TOX: variants seen among roughly 807,000 people sequenced by gnomAD.
TOX encodes the protein thymocyte selection-associated high mobility group box protein TOX.
Under a neutral mutation model 53.7 loss-of-function variants are expected in TOX, and 11 were observed. The ratio of observed to expected loss-of-function variants is 0.20; its 90% CI spans 0.13 to 0.34. The LOEUF is 0.34. Among genes scored for constraint, TOX ranks in the 10% least tolerant of loss-of-function variants. The pLI, the probability that TOX is intolerant of heterozygous loss-of-function variation, is 1.00. For synonymous variants in TOX, 225 were observed against 245.3 expected (o/e 0.92, Z 0.77); for missense variants, 570 against 664.6 (o/e 0.86, Z 1.56).
At chr8:58,992,605 G>C in intron 1 of TOX, among the ~76,000 whole-genome samples, 1 of 152,092 alleles carries the variant, frequency 6.6e-6, no homozygotes, top group African/African-American at 2.4e-5. Context: ...CTTCTATAGA[G>C]AACAGCAGTA....
chr8:58,888,033 AC>A (rs1811501365), intron 3 of TOX, among the ~76,000 whole-genome samples: 1 of 152,212 alleles, frequency 6.6e-6, no homozygotes, highest in African/African-American at 2.4e-5. Context: ...TTGTCTACAA[AC>A]CTGTACAGCA....
chr8:59,043,040 T>G (rs1331889138), intron 1 of TOX, among the ~76,000 whole-genome samples: 1 of 152,104 alleles, frequency 6.6e-6, no homozygotes, highest in Non-Finnish European at 1.5e-5. Flanking sequence ...AAAAACTTAT[T>G]CCTCTGTCTA....
intron 1 of TOX, among the ~76,000 whole-genome samples, chr8:58,975,308 T>C (rs1021175678): frequency 3.9e-5 from 6 of 151,918 alleles, no homozygotes; most frequent in African/African-American, 1.5e-4. Flanking sequence ...GACACTACTT[T>C]AGAGCAATAT....
chr8:58,905,745 C>T (rs915969397), intron 3 of TOX, among the ~76,000 whole-genome samples: 10 of 152,168 alleles, frequency 6.6e-5, no homozygotes, highest in East Asian at 1.9e-4. Context: ...TTTATACTGA[C>T]GGAAGTGTAG....
intron 5 of TOX, among the ~76,000 whole-genome samples, chr8:58,834,399 A>G (rs1477700745): frequency 6.6e-6 from 1 of 152,244 alleles, no homozygotes; most frequent in African/African-American, 2.4e-5. Context: ...GAATTTTAAT[A>G]GTCTGCCTCG....
intron 3 of TOX, among the ~76,000 whole-genome samples, chr8:58,901,698 A>C (rs989913683): frequency 6.6e-6 from 1 of 152,174 alleles, no homozygotes; most frequent in Non-Finnish European, 1.5e-5. Context: ...TTTAGAGTAA[A>C]ATGTCTTGAA....
intron 1 of TOX, among the ~76,000 whole-genome samples, chr8:59,104,962 G>A (rs16924606): frequency 0.012 from 1,763 of 152,166 alleles, 39 homozygotes; most frequent in African/African-American, 0.04. Context: ...ATGGAGGGAG[G>A]GTTCACGACT....
chr8:58,833,308 C>T (rs1164112423), intron 5 of TOX, among the ~76,000 whole-genome samples: 1 of 152,182 alleles, frequency 6.6e-6, no homozygotes, highest in African/African-American at 2.4e-5. Flanking sequence ...CACTTAAGAG[C>T]CGGCTTGCCG....
intron 1 of TOX, among the ~76,000 whole-genome samples, chr8:58,968,198 A>C (rs1812937970): frequency 6.6e-6 from 1 of 152,232 alleles, no homozygotes; most frequent in Non-Finnish European, 1.5e-5. Context: ...TGTGGATGAA[A>C]GCTTAACTAT....
chr8:58,826,123 C>T (rs1440947834), intron 6 of TOX, among the ~76,000 whole-genome samples: 2 of 152,156 alleles, frequency 1.3e-5, no homozygotes, highest in South Asian at 2.1e-4. Flanking sequence ...GAAAAAAAGT[C>T]TTTCCTAAGG....
At chr8:58,810,998 A>G (rs971660576) in intron 7 of TOX, among the ~76,000 whole-genome samples, 1 of 152,236 alleles carries the variant, frequency 6.6e-6, no homozygotes, top group Non-Finnish European at 1.5e-5. Flanking sequence ...TTTAAACTTC[A>G]GCTAACTTCA....
intron 3 of TOX, among the ~76,000 whole-genome samples, chr8:58,870,904 T>G (rs1408467423): frequency 6.6e-6 from 1 of 152,070 alleles, no homozygotes. Flanking sequence ...TATTAAATAG[T>G]CTTCACATAC....
intron 6 of TOX, among the ~76,000 whole-genome samples, chr8:58,825,034 A>T (rs1810343385): frequency 6.6e-6 from 1 of 152,260 alleles, no homozygotes; most frequent in Admixed American, 6.5e-5. Context: ...ATATGTTTAA[A>T]TATGACTGGT....
intron 1 of TOX, among the ~76,000 whole-genome samples, chr8:58,987,898 A>G (rs542476283): frequency 6.6e-6 from 1 of 152,280 alleles, no homozygotes; most frequent in Admixed American, 6.5e-5. Flanking sequence ...CTTCTTCTGA[A>G]GCATTTCCTT....
At chr8:58,865,867 C>CTTTTTTTT (rs1563373948) in intron 3 of TOX, among the ~76,000 whole-genome samples, 2 of 55,778 alleles carry the variant, frequency 3.6e-5, no homozygotes, top group African/African-American at 7.9e-5. Flanking sequence ...CAGAGTCTCA[C>CTTTTTTTT]TCTGTCGTCC....
At chr8:58,874,932 A>G (rs1203758487) in intron 3 of TOX, among the ~76,000 whole-genome samples, 1 of 152,210 alleles carries the variant, frequency 6.6e-6, no homozygotes, top group African/African-American at 2.4e-5. Flanking sequence ...AAGTTTTAAG[A>G]AAGTTCACAA....
chr8:58,877,625 T>C (rs928803631), intron 3 of TOX, among the ~76,000 whole-genome samples: 4 of 152,214 alleles, frequency 2.6e-5, no homozygotes, highest in Non-Finnish European at 2.9e-5. Flanking sequence ...AAGATATATG[T>C]AATCAGGGAT....
chr8:58,870,381 A>G (rs1811177001), intron 3 of TOX, among the ~76,000 whole-genome samples: 1 of 152,146 alleles, frequency 6.6e-6, no homozygotes, highest in Non-Finnish European at 1.5e-5. Context: ...ATATTGATGG[A>G]AAAAACCAAG....
intron 3 of TOX, among the ~76,000 whole-genome samples, chr8:58,877,854 A>C (rs1475889010): frequency 4.3e-5 from 6 of 138,604 alleles, no homozygotes; most frequent in Non-Finnish European, 9.1e-5. Context: ...GAAAGCCTAC[A>C]TATTAAAAAA....
Sources: allele counts gnomAD v4.1 joint callset (sites outside exome capture counted in the v4.1 genomes callset), GRCh38; gene constraint gnomAD v4.1.1; transcripts MANE v1.5; gene names NCBI Gene and HGNC (gene_info 2026-07-23, HGNC 2026-07-21).